DIP2C: variants seen among roughly 807,000 people sequenced by gnomAD.
DIP2C encodes the protein disco-interacting protein 2 homolog C.
DIP2C carries 33 observed loss-of-function variants against 192.4 expected under a neutral mutation model. That is an observed-to-expected ratio of 0.17 (90% CI 0.13 to 0.23). DIP2C has a LOEUF of 0.23. Ranked by LOEUF, DIP2C falls within the 10% of genes least tolerant of loss-of-function variation. The pLI, the probability that DIP2C is intolerant of heterozygous loss-of-function variation, is 1.00. For synonymous variants in DIP2C, 979 were observed against 864.1 expected (o/e 1.13, Z -2.33); for missense variants, 1,537 against 2,110.1 (o/e 0.73, Z 5.32).
At chr10:371,187 C>T (rs1167732601) in intron 17 of DIP2C, among the ~76,000 whole-genome samples, 2 of 151,700 alleles carry the variant, frequency 1.3e-5, no homozygotes, top group African/African-American at 4.8e-5. Context: ...TGCACCATCC[C>T]CTCACCCTGC....
At chr10:486,436 T>C in intron 2 of DIP2C, 23 bp downstream of exon 2, 2 of 1,578,894 alleles carry the variant, frequency 1.3e-6, no homozygotes, top group Non-Finnish European at 1.7e-6. Flanking sequence ...AGAGGACTCA[T>C]GCTACTCATG....
intron 31 of DIP2C, chr10:324,999 C>G: frequency 1.9e-6 from 1 of 526,944 alleles, no homozygotes; most frequent in South Asian, 1.4e-5. Context: ...GGCGTGGTGG[C>G]TCATGCCTGT....
chr10:371,166 TCCCCTCACCCTGC>T lies in DIP2C; in HGVS notation c.1992-1546_1992-1534del, dbSNP rs1426065663. ...GCCACCATCCCCTCACCCTGCACCA[TCCCCTCACCCTGC>T]ACCATCCCCTCACCCTGCACCATCC... On this transcript the variant is annotated intron_variant, in intron 17 of 36. Coordinates refer to ENST00000280886, the MANE Select transcript of DIP2C (RefSeq NM_014974.3). Among the ~76,000 whole-genome samples the T allele has an allele frequency of 6.0e-4, 86 of 142,274 alleles. 1 individual carries two copies. The highest frequency in any genetic ancestry group is 1.0e-3 in the Admixed American group (14 of 14,028). The allele number at this position is 142,274 out of a possible 152,430, so 93.3% of individuals were successfully genotyped here.
intron 1 of DIP2C, among the ~76,000 whole-genome samples, chr10:617,688 T>A (rs1853568243): frequency 7.5e-6 from 1 of 133,820 alleles, no homozygotes; most frequent in Admixed American, 7.8e-5. Flanking sequence ...TGGGGCGTCT[T>A]CCACTTGCGG....
chr10:426,765 T>C (rs909029232), intron 4 of DIP2C, among the ~76,000 whole-genome samples: 7 of 152,290 alleles, frequency 4.6e-5, no homozygotes, highest in Admixed American at 3.3e-4. Context: ...TAGTATTTTT[T>C]TCAACAAATG....
chr10:397,854 A>G (rs952468778), intron 10 of DIP2C, among the ~76,000 whole-genome samples: 1 of 152,214 alleles, frequency 6.6e-6, no homozygotes, highest in Non-Finnish European at 1.5e-5. Flanking sequence ...GACATTCCAA[A>G]GTTAACCTGA....
Position 465,390 on chromosome 10 carries a change from AAAT to A in DIP2C, c.268+7046_268+7048del, listed in dbSNP as rs1970120535. Among the ~76,000 whole-genome samples, 4 of 150,798 alleles carry A rather than the reference AAAT, an allele frequency of 2.7e-5. No homozygotes were observed. The South Asian group carries it at 8.4e-4, about 32-fold the overall frequency. ...TTAGGTATTGATGGGACATATTTCA[AAAT>A]AATAAGAGCTATCTATGACAAACCC... is the stretch of plus-strand genomic sequence containing the variant. On this transcript the variant is annotated intron_variant, in intron 3 of 36. Coordinates refer to ENST00000280886, the MANE Select transcript of DIP2C (RefSeq NM_014974.3).
At chr10:501,797 CAGGTATT>C (rs2079146855) in intron 1 of DIP2C, among the ~76,000 whole-genome samples, 1 of 152,114 alleles carries the variant, frequency 6.6e-6, no homozygotes, top group African/African-American at 2.4e-5. Flanking sequence ...GGCACTGTGC[CAGGTATT>C]TGGCAATATC....
chr10:414,852 T>TTGTGTGTGTGTG (rs748231177), intron 7 of DIP2C, among the ~76,000 whole-genome samples: 114 of 98,864 alleles, frequency 1.2e-3, no homozygotes, highest in South Asian at 1.8e-3. Flanking sequence ...ACATATATAT[T>TTGTGTGTGTGTG]TGTGTGTGTG....
chr10:645,329 G>C (rs1009083698), intron 1 of DIP2C, among the ~76,000 whole-genome samples: 2 of 152,166 alleles, frequency 1.3e-5, no homozygotes, highest in Non-Finnish European at 2.9e-5. Context: ...CACGGCTGCA[G>C]GGGGTGTGGT....
chr10:400,233 G>A (rs1735892958), intron 9 of DIP2C, among the ~76,000 whole-genome samples: 1 of 152,124 alleles, frequency 6.6e-6, no homozygotes, highest in African/African-American at 2.4e-5. Flanking sequence ...ATGTTGCCCA[G>A]GCTGGCCTCA....
At chr10:672,967 C>T (rs1371439628) in intron 1 of DIP2C, among the ~76,000 whole-genome samples, 2 of 152,198 alleles carry the variant, frequency 1.3e-5, no homozygotes, top group Non-Finnish European at 2.9e-5. Flanking sequence ...TATCAACCCC[C>T]TGGATCACAG....
chr10:277,635 C>T (rs973098724), intron 36 of DIP2C, 58 bp from the exon 37 acceptor site: 47 of 1,585,978 alleles, frequency 3.0e-5, no homozygotes, highest in Middle Eastern at 3.4e-4. Flanking sequence ...ATTTAATAGC[C>T]GTGGTTTCAA....
At chr10:564,641 A>G (rs542614373) in intron 1 of DIP2C, among the ~76,000 whole-genome samples, 8 of 152,250 alleles carry the variant, frequency 5.3e-5, no homozygotes, top group Admixed American at 4.6e-4. Context: ...CATCTCTAAC[A>G]TGAGGTAAAA....
At chr10:591,640 T>C (rs1021372279) in intron 1 of DIP2C, among the ~76,000 whole-genome samples, 1 of 152,168 alleles carries the variant, frequency 6.6e-6, no homozygotes. Context: ...GTTGGCTAAA[T>C]ACAACTTCCC....
chr10:395,097 G>T (rs961903032), intron 10 of DIP2C, among the ~76,000 whole-genome samples: 3 of 115,446 alleles, frequency 2.6e-5, no homozygotes, highest in Admixed American at 2.0e-4. Flanking sequence ...CACGAGGGCT[G>T]GGGGGGAGGG....
intron 4 of DIP2C, among the ~76,000 whole-genome samples, chr10:424,909 C>T (rs1966473212): frequency 6.6e-6 from 1 of 152,182 alleles, no homozygotes; most frequent in African/African-American, 2.4e-5. Context: ...CAGCATATGA[C>T]ACGGATGATA....
At chr10:678,182 T>C (rs1373825724) in intron 1 of DIP2C, among the ~76,000 whole-genome samples, 1 of 152,124 alleles carries the variant, frequency 6.6e-6, no homozygotes, top group Non-Finnish European at 1.5e-5. Flanking sequence ...TCTGGAACTC[T>C]GAGTGGAAGT....
chr10:325,096 T>C (rs1490584627), intron 31 of DIP2C: 1 of 376,494 alleles, frequency 2.7e-6, no homozygotes, highest in African/African-American at 2.1e-5. Context: ...AAACCCCATC[T>C]CTACTAAAAA....
Sources: allele counts gnomAD v4.1 joint callset (sites outside exome capture counted in the v4.1 genomes callset), GRCh38; gene constraint gnomAD v4.1.1; transcripts MANE v1.5; gene names NCBI Gene and HGNC (gene_info 2026-07-23, HGNC 2026-07-21).